Variants in KCNIP4 observed in about 807,000 individuals in gnomAD.
KCNIP4 encodes Kv channel-interacting protein 4.
Under a neutral mutation model 34.0 loss-of-function variants are expected in KCNIP4, and 12 were observed. The observed-to-expected ratio is 0.35, with a 90% CI of 0.23 to 0.57. The LOEUF is 0.57. Among genes scored for constraint, KCNIP4 ranks in the 20% least tolerant of loss-of-function variants. The pLI is 0.83. For missense variants in KCNIP4, 238 were observed against 311.7 expected (o/e 0.76, Z 1.78); for synonymous variants, 124 against 102.2 (o/e 1.21, Z -1.29).
At chr4:21,755,325 T>C (rs1717434078) in intron 1 of KCNIP4, among the ~76,000 whole-genome samples, 1 of 152,212 alleles carries the variant, frequency 6.6e-6, no homozygotes, top group South Asian at 2.1e-4. Context: ...GTAACGTTTC[T>C]GGCAAAACTT....
intron 1 of KCNIP4, among the ~76,000 whole-genome samples, chr4:21,270,121 A>G (rs1406541234): frequency 6.6e-6 from 1 of 152,220 alleles, no homozygotes; most frequent in Non-Finnish European, 1.5e-5. Flanking sequence ...GGGGAGTATC[A>G]TAGGCTCAAA....
At chr4:20,794,629 C>T (rs964731430) in intron 3 of KCNIP4, among the ~76,000 whole-genome samples, 1 of 151,318 alleles carries the variant, frequency 6.6e-6, no homozygotes, top group Non-Finnish European at 1.5e-5. Flanking sequence ...TACTGAATAA[C>T]TCTAAGATGG....
chr4:21,929,173 C>G (rs1729428697), intron 1 of KCNIP4, among the ~76,000 whole-genome samples: 2 of 151,916 alleles, frequency 1.3e-5, no homozygotes, highest in African/African-American at 4.8e-5. Context: ...CTGACATGTC[C>G]AGATAAAGGA....
intron 1 of KCNIP4, among the ~76,000 whole-genome samples, chr4:21,149,538 T>C (rs1752613215): frequency 6.6e-6 from 1 of 152,124 alleles, no homozygotes; most frequent in African/African-American, 2.4e-5. Flanking sequence ...TTCCGAGAAG[T>C]TGATTTGGTG....
intron 1 of KCNIP4, among the ~76,000 whole-genome samples, chr4:21,569,234 T>TTAAA (rs1740162055): frequency 4.0e-5 from 1 of 25,176 alleles, no homozygotes; most frequent in Non-Finnish European, 6.9e-5. Flanking sequence ...ACTGATATTC[T>TTAAA]AAAAAAAAAA....
intron 1 of KCNIP4, among the ~76,000 whole-genome samples, chr4:21,916,281 T>C (rs1368939711): frequency 6.6e-6 from 1 of 152,236 alleles, no homozygotes; most frequent in Non-Finnish European, 1.5e-5. Context: ...ATATTTCTTA[T>C]CTAGTTATTA....
At chr4:21,106,110 T>C (rs1450342833) in intron 1 of KCNIP4, among the ~76,000 whole-genome samples, 1 of 151,662 alleles carries the variant, frequency 6.6e-6, no homozygotes, top group Admixed American at 6.6e-5. Context: ...GCTGGCCTCA[T>C]AAAATGAGTT....
chr4:20,737,413 T>C (rs929155107), intron 5 of KCNIP4, among the ~76,000 whole-genome samples: 1 of 152,120 alleles, frequency 6.6e-6, no homozygotes, highest in African/African-American at 2.4e-5. Flanking sequence ...GCACTTTGAA[T>C]ACTGAAGAGA....
intron 1 of KCNIP4, among the ~76,000 whole-genome samples, chr4:21,513,487 T>C (rs1319692113): frequency 1.3e-5 from 2 of 152,202 alleles, no homozygotes; most frequent in Non-Finnish European, 2.9e-5. Flanking sequence ...GCATCCTTTA[T>C]CACTGGCATG....
intron 2 of KCNIP4, among the ~76,000 whole-genome samples, chr4:20,868,529 A>G (rs1215507782): frequency 6.6e-6 from 1 of 152,110 alleles, no homozygotes; most frequent in Non-Finnish European, 1.5e-5. Context: ...CCAAAAAGAC[A>G]CATGCACTCA....
At chr4:21,100,035 A>G (rs892547488) in intron 1 of KCNIP4, among the ~76,000 whole-genome samples, 2 of 152,204 alleles carry the variant, frequency 1.3e-5, no homozygotes, top group Non-Finnish European at 2.9e-5. Context: ...TTGAGATGGA[A>G]TCTACCTCTG....
At chr4:21,822,302 G>C (rs545701246) in intron 1 of KCNIP4, among the ~76,000 whole-genome samples, 1 of 152,306 alleles carries the variant, frequency 6.6e-6, no homozygotes, top group Admixed American at 6.5e-5. Flanking sequence ...AGTGTCCAGA[G>C]GCAGAGCTGT....
intron 1 of KCNIP4, among the ~76,000 whole-genome samples, chr4:21,319,524 G>C (rs562110953): frequency 5.9e-4 from 89 of 152,056 alleles, no homozygotes; most frequent in Non-Finnish European, 1.2e-3. Flanking sequence ...CCTTCTCCTG[G>C]ACATTCCACT....
At chr4:21,359,635 C>T (rs1719014868) in intron 1 of KCNIP4, among the ~76,000 whole-genome samples, 1 of 152,098 alleles carries the variant, frequency 6.6e-6, no homozygotes, top group South Asian at 2.1e-4. Context: ...ATGTTCAAGA[C>T]TGTTTAAGGT....
chr4:21,795,796 G>A (rs1376129981), intron 1 of KCNIP4, among the ~76,000 whole-genome samples: 1 of 152,132 alleles, frequency 6.6e-6, no homozygotes, highest in Admixed American at 6.5e-5. Context: ...TCCCGGGTGT[G>A]GTGGCTCACG....
rs192315070 is a variant in KCNIP4, at chr4:21,273,817, A to G, written c.62-391108T>C. ...TATACTACAGCTGTACCTCATATACACTTCTATTATTGCACTTTCCACACT... is the reference window on the plus strand; with the variant it reads ...TATACTACAGCTGTACCTCATATACGCTTCTATTATTGCACTTTCCACACT... On this transcript the variant is annotated intron_variant, in intron 1 of 8. Coordinates refer to ENST00000382152, the MANE Select transcript of KCNIP4 (RefSeq NM_025221.6). Among the ~76,000 whole-genome samples, 131 of 152,156 alleles carry G rather than the reference A, an allele frequency of 8.6e-4. 1 individual carries two copies. Among genetic ancestry groups the G allele is most frequent in the African/African-American group, 3.1e-3 (127 of 41,518 alleles).
Position 21,704,480 on chromosome 4 carries a change from T to C in KCNIP4, c.61+244091A>G, listed in dbSNP as rs185760878. Among the ~76,000 whole-genome samples the C allele has an allele frequency of 3.9e-5, 6 of 152,264 alleles. No individual in the cohort carries two copies. In the East Asian group the frequency reaches 1.2e-3, roughly 29 times the overall value. ...ACTTATCTGACAAAGGATTTGTATC[T>C]AGAGTATATAAAGACTTTGAATATT... On this transcript the variant is annotated intron_variant, in intron 1 of 8. Transcript: ENST00000382152.
intron 1 of KCNIP4, among the ~76,000 whole-genome samples, chr4:21,732,023 T>A (rs1402276599): frequency 1.3e-5 from 2 of 150,632 alleles, no homozygotes; most frequent in East Asian, 3.9e-4. Flanking sequence ...TACATATATA[T>A]AAAAATATAT....
chr4:20,764,064 C>G (rs761861689), intron 3 of KCNIP4, among the ~76,000 whole-genome samples: 3 of 152,152 alleles, frequency 2.0e-5, no homozygotes, highest in Non-Finnish European at 4.4e-5. Context: ...AAATGCCTCA[C>G]TCATCCATCT....
Sources: allele counts gnomAD v4.1 joint callset (sites outside exome capture counted in the v4.1 genomes callset), GRCh38; gene constraint gnomAD v4.1.1; transcripts MANE v1.5; gene names NCBI Gene and HGNC (gene_info 2026-07-23, HGNC 2026-07-21).